Variants in CPED1 observed in about 807,000 individuals in gnomAD.
CPED1 encodes the protein cadherin like and PC-esterase domain containing 1, also known as cadherin-like and PC-esterase domain-containing protein 1.
A neutral mutation model predicts 128.2 loss-of-function variants in CPED1; 114 were observed. The ratio of observed to expected loss-of-function variants is 0.89; its 90% CI spans 0.76 to 1.04. The LOEUF (loss-of-function observed/expected upper bound fraction) is 1.04. Among genes scored for constraint, CPED1 ranks in the 50% least tolerant of loss-of-function variants. The pLI is 0.00. For synonymous variants in CPED1, 462 were observed against 426.7 expected (o/e 1.08, Z -1.02); for missense variants, 1,211 against 1,207.1 (o/e 1.00, Z -0.05).
At chr7:121,270,710 C>A (rs578124631) in intron 21 of CPED1, among the ~76,000 whole-genome samples, 20 of 151,978 alleles carry the variant, frequency 1.3e-4, no homozygotes, top group Admixed American at 3.3e-4. Flanking sequence ...TTTCTGGGTT[C>A]TCTGTTCTCC....
At chr7:121,143,907 A>G (rs926208437) in intron 16 of CPED1, among the ~76,000 whole-genome samples, 5 of 152,058 alleles carry the variant, frequency 3.3e-5, no homozygotes, top group African/African-American at 1.2e-4. Context: ...GTTGAAAAAA[A>G]TTCAGTAAGA....
At chr7:121,281,022 T>C (rs1792450520) in intron 22 of CPED1, among the ~76,000 whole-genome samples, 1 of 152,208 alleles carries the variant, frequency 6.6e-6, no homozygotes, top group South Asian at 2.1e-4. Context: ...ATGAAACATA[T>C]TTGTAATCAG....
chr7:121,024,437 C>A (rs1332676707), intron 3 of CPED1, among the ~76,000 whole-genome samples: 1 of 152,124 alleles, frequency 6.6e-6, no homozygotes, highest in Non-Finnish European at 1.5e-5. Context: ...AAATGGCAAC[C>A]AGATGTTTAC....
intron 5 of CPED1, among the ~76,000 whole-genome samples, chr7:121,089,471 A>G (rs926660012): frequency 2.0e-5 from 3 of 152,188 alleles, no homozygotes; most frequent in African/African-American, 7.2e-5. Flanking sequence ...TAAGTAAAAG[A>G]TATATTAACA....
At chr7:121,144,700 A>G (rs988419096) in intron 16 of CPED1, among the ~76,000 whole-genome samples, 1 of 152,018 alleles carries the variant, frequency 6.6e-6, no homozygotes, top group African/African-American at 2.4e-5. Context: ...TCCTAACACA[A>G]AGAAATGACA....
At position 121,142,018 on chromosome 7, in the gene CPED1, A is replaced by G; in HGVS notation, c.1932A>G (p.Ile644Met). 1 of 1,612,552 alleles carries G rather than the reference A, an allele frequency of 6.2e-7. No individual in the cohort carries two copies. Among genetic ancestry groups the G allele is most frequent in the Non-Finnish European group, 8.5e-7 (1 of 1,178,970 alleles). ...PLGLGMNKIS[I>M]FVVDESPAHG... ...GCTTAGGAATGAACAAAATCTCAAT[A>G]TTTGTTGTGGATGAATCTCCAGCAC... Residue 644 changes from isoleucine (I) to methionine (M), a missense_variant, in exon 16 of 23, where the codon ATA (isoleucine) becomes ATG (methionine). Ile to Met is a conservative substitution (Grantham distance 10, BLOSUM62 1). Transcript: ENST00000310396.
intron 3 of CPED1, among the ~76,000 whole-genome samples, chr7:121,026,339 G>A (rs1316808498): frequency 1.3e-5 from 2 of 151,938 alleles, no homozygotes; most frequent in African/African-American, 2.4e-5. Flanking sequence ...CTGTCACCAA[G>A]CCCTGTAAAA....
At chr7:120,998,598 G>A (rs1796449903) in intron 2 of CPED1, among the ~76,000 whole-genome samples, 1 of 152,216 alleles carries the variant, frequency 6.6e-6, no homozygotes, top group Admixed American at 6.5e-5. Context: ...AAGTCAGTGA[G>A]CAATAAATAA....
rs1563036258 is a variant in CPED1 at position 121,127,152 on chromosome 7, A to C, written c.1197A>C (p.Glu399Asp). The C allele has an allele frequency of 5.0e-6, 8 of 1,596,666 alleles. No individual in the cohort carries two copies. The highest frequency in any genetic ancestry group is 6.9e-6 in the Non-Finnish European group (8 of 1,166,540). ...DNMDFEDQNT[E>D]EFLLNDTFNF... ...TGGATTTTGAGGACCAAAATACAGA[A>C]GAATTCCTTTTAAATGACACTTTCA... Residue 399 changes from glutamate to aspartate, a missense_variant, in exon 10 of 23, where the codon GAA becomes GAC. By Grantham distance (45) the Glu-to-Asp change is conservative. Coordinates refer to ENST00000310396, the MANE Select transcript of CPED1 (RefSeq NM_024913.5).
At chr7:121,047,246 T>C (rs188215477) in intron 4 of CPED1, among the ~76,000 whole-genome samples, 4 of 152,366 alleles carry the variant, frequency 2.6e-5, no homozygotes, top group Admixed American at 2.6e-4. Context: ...TCTAGAAGTC[T>C]GCAGCCTATG....
intron 16 of CPED1, among the ~76,000 whole-genome samples, chr7:121,152,950 A>G (rs1379145140): frequency 6.6e-6 from 1 of 152,166 alleles, no homozygotes; most frequent in African/African-American, 2.4e-5. Flanking sequence ...TGACAGTTGC[A>G]TGATTAATGG....
At chr7:121,016,512 C>A (rs1386178373) in intron 3 of CPED1, among the ~76,000 whole-genome samples, 1 of 152,138 alleles carries the variant, frequency 6.6e-6, no homozygotes, top group Non-Finnish European at 1.5e-5. Context: ...TGCCAAGCAT[C>A]CTAAGATTAA....
rs368822550 is a variant in CPED1 at position 121,149,837 on chromosome 7, A to G, written c.2055+7696A>G. The stretch of plus-strand genomic sequence containing the variant: ...TGAAACTTTGAAACAGGTTGTAGCT[A>G]AAACAGAAGTAGAGGGAACCTCTTT... On this transcript the variant is annotated intron_variant, in intron 16 of 22. Coordinates refer to ENST00000310396, the MANE Select transcript of CPED1 (RefSeq NM_024913.5). Among the ~76,000 whole-genome samples the G allele has an allele frequency of 3.9e-5, 6 of 152,284 alleles. 1 individual carries two copies. Among genetic ancestry groups the G allele is most frequent in the African/African-American group, 1.2e-4 (5 of 41,574 alleles).
At chr7:121,179,700 C>A (rs747019130) in intron 16 of CPED1, among the ~76,000 whole-genome samples, 29 of 151,866 alleles carry the variant, frequency 1.9e-4, no homozygotes, top group Non-Finnish European at 3.7e-4. Context: ...ACTTATAAAC[C>A]CAACATAACA....
At chr7:121,199,330 A>T (rs1048520209) in intron 16 of CPED1, among the ~76,000 whole-genome samples, 1 of 152,074 alleles carries the variant, frequency 6.6e-6, no homozygotes, top group Non-Finnish European at 1.5e-5. Context: ...TAATTTAGTC[A>T]ACAGTGTTGA....
intron 22 of CPED1, among the ~76,000 whole-genome samples, chr7:121,288,472 G>A (rs566750313): frequency 1.3e-5 from 2 of 152,258 alleles, no homozygotes; most frequent in South Asian, 2.1e-4. Context: ...CATCAATTTA[G>A]TGATCTCTAA....
At chr7:121,058,301 G>T (rs529216310) in intron 4 of CPED1, among the ~76,000 whole-genome samples, 1 of 152,134 alleles carries the variant, frequency 6.6e-6, no homozygotes, top group African/African-American at 2.4e-5. Flanking sequence ...TTGTTTTGTC[G>T]AAGTAAGCTA....
chr7:121,292,684 C>T (rs763982408), intron 22 of CPED1, among the ~76,000 whole-genome samples: 71 of 151,978 alleles, frequency 4.7e-4, no homozygotes, highest in Admixed American at 6.6e-5. Flanking sequence ...ATGTTGGTGA[C>T]CTTCGGATGG....
intron 16 of CPED1, among the ~76,000 whole-genome samples, chr7:121,232,272 G>A (rs897365422): frequency 1.3e-5 from 2 of 152,094 alleles, no homozygotes; most frequent in Non-Finnish European, 2.9e-5. Context: ...GTGAGGAGAT[G>A]GAGGGAACAT....
Sources: allele counts gnomAD v4.1 joint callset (sites outside exome capture counted in the v4.1 genomes callset), GRCh38; gene constraint gnomAD v4.1.1; transcripts MANE v1.5; gene names NCBI Gene and HGNC (gene_info 2026-07-23, HGNC 2026-07-21).